CAMK2D: variants seen among roughly 807,000 people sequenced by gnomAD.
CAMK2D encodes the protein calcium/calmodulin dependent protein kinase II delta.
Under a neutral mutation model 84.0 loss-of-function variants are expected in CAMK2D, and 37 were observed. The ratio of observed to expected loss-of-function variants is 0.44; its 90% CI spans 0.34 to 0.58. CAMK2D has a LOEUF of 0.58. CAMK2D is among the 20% of genes least tolerant of loss of function. The pLI is 0.02. For synonymous variants in CAMK2D, 202 were observed against 212.5 expected (o/e 0.95, Z 0.43); for missense variants, 448 against 652.5 (o/e 0.69, Z 3.41).
intron 16 of CAMK2D, among the ~76,000 whole-genome samples, chr4:113,494,825 C>T (rs1043565997): frequency 7.9e-5 from 12 of 152,134 alleles, no homozygotes; most frequent in East Asian, 3.9e-4. Context: ...GAGCCAGGTG[C>T]GGGATATAAT....
rs139350343 is a variant in CAMK2D at position 113,521,514 on chromosome 4, G to C, written c.602-3857C>G. Among the ~76,000 whole-genome samples the C allele has an allele frequency of 7.9e-5, 12 of 152,264 alleles. No individual in the cohort carries two copies. The East Asian group carries it at 2.3e-3, about 29-fold the overall frequency. ...TCCTTTTAATGGTAAATAGTATCTA[G>C]AGACCAAGATTGAGCACTTACATGT... On this transcript the variant is annotated intron_variant, in intron 8 of 20. Coordinates refer to ENST00000511664, the MANE Select transcript of CAMK2D (RefSeq NM_001321571.2).
chr4:113,717,673 G>T (rs2099517816), intron 2 of CAMK2D, among the ~76,000 whole-genome samples: 1 of 152,064 alleles, frequency 6.6e-6, no homozygotes, highest in African/African-American at 2.4e-5. Context: ...GGTGGAGAGA[G>T]TTGAATTTTC....
rs1162687849 is a variant in CAMK2D at position 113,761,015 on chromosome 4, C to T, written c.54G>A (p.Glu18=). 1.2e-6 allele frequency: 2 copies of T among 1,614,170 alleles called. No homozygotes were observed. Among genetic ancestry groups the T allele is most frequent in the Non-Finnish European group, 1.7e-6 (2 of 1,180,026 alleles). The change falls in exon 1 of 21, where the codon GAG becomes GAA. Residue 18 remains glutamate, a synonymous_variant. Coordinates refer to ENST00000511664, the MANE Select transcript of CAMK2D (RefSeq NM_001321571.2). ...GCAAAGGTGCTTACTTTCCAAGCTC[C>T]TCGAAAAGCTGATACTCGTCCGTGA... ...TRFTDEYQLF[E]ELGKGAFSVV...
At chr4:113,477,850 A>C (rs886156551) in intron 16 of CAMK2D, among the ~76,000 whole-genome samples, 1 of 152,148 alleles carries the variant, frequency 6.6e-6, no homozygotes, top group Non-Finnish European at 1.5e-5. Flanking sequence ...TATGAGCCAT[A>C]TATTTCAGAA....
intron 8 of CAMK2D, among the ~76,000 whole-genome samples, chr4:113,522,457 C>CTG (rs57843687): frequency 0.035 from 5,267 of 152,254 alleles, 277 homozygotes; most frequent in African/African-American, 0.12. Flanking sequence ...AACTAACACT[C>CTG]TGACCTAAAT....
intron 2 of CAMK2D, among the ~76,000 whole-genome samples, chr4:113,671,281 C>T (rs1460634891): frequency 6.6e-6 from 1 of 152,088 alleles, no homozygotes; most frequent in Non-Finnish European, 1.5e-5. Context: ...TAAAAGAACA[C>T]AGATTTTTTA....
At position 113,502,977 on chromosome 4, in the gene CAMK2D, C is replaced by G. The variant is rs749331838; in HGVS notation, c.1045G>C (p.Glu349Gln). ...TTGTGGATTACAGTAGTTTGGGGCT[C>G]CTGAGTGAGAACAAAATAGAGAAAG... is the stretch of plus-strand genomic sequence containing the variant. ...PKENIPTPALEPQTTVIHNPD... is the reference protein window; with the variant it reads ...PKENIPTPALQPQTTVIHNPD... The change falls in exon 15 of 21, where the codon GAG becomes CAG. Residue 349 changes from glutamate (E) to glutamine (Q), a missense_variant and splice_region_variant. Glu to Gln is a conservative substitution (Grantham distance 29). Around this residue, in one of 7 missense-constraint regions of CAMK2D, gnomAD observed 219 missense variants for 272.1 expected, o/e 0.80. Coordinates refer to ENST00000511664, the MANE Select transcript of CAMK2D (RefSeq NM_001321571.2). 1 of 1,602,482 alleles carries G rather than the reference C, an allele frequency of 6.2e-7. No homozygotes were observed. Among genetic ancestry groups the G allele is most frequent in the Admixed American group, 1.7e-5 (1 of 59,958 alleles).
At chr4:113,699,151 A>G (rs1001277751) in intron 2 of CAMK2D, among the ~76,000 whole-genome samples, 1 of 152,158 alleles carries the variant, frequency 6.6e-6, no homozygotes, top group African/African-American at 2.4e-5. Flanking sequence ...TGAGGAGCCA[A>G]CCTGAACAGA....
At chr4:113,631,646 G>T (rs907677538) in intron 3 of CAMK2D, among the ~76,000 whole-genome samples, 1 of 152,176 alleles carries the variant, frequency 6.6e-6, no homozygotes, top group Admixed American at 6.6e-5. Flanking sequence ...TGTTAGCTGG[G>T]TAACTATTGT....
chr4:113,663,590 A>AAATAAT (rs10525797), intron 2 of CAMK2D, among the ~76,000 whole-genome samples: 5,784 of 145,942 alleles, frequency 0.04, 111 homozygotes, highest in Non-Finnish European at 0.051. Flanking sequence ...CTCTGTCTAA[A>AAATAAT]AATAATAATA....
chr4:113,618,932 T>C (rs2099033088), intron 3 of CAMK2D, among the ~76,000 whole-genome samples: 3 of 152,190 alleles, frequency 2.0e-5, no homozygotes, highest in South Asian at 2.1e-4. Context: ...GTCAATGATG[T>C]TTCTAAAGTA....
At chr4:113,513,241 A>G in intron 12 of CAMK2D, 87 bp downstream of exon 12, 1 of 1,577,890 alleles carries the variant, frequency 6.3e-7, no homozygotes, top group South Asian at 1.2e-5. Flanking sequence ...TCTAATTATT[A>G]GATTTTTAAA....
intron 4 of CAMK2D, among the ~76,000 whole-genome samples, chr4:113,582,426 T>C (rs1221396702): frequency 2.0e-5 from 3 of 152,250 alleles, no homozygotes; most frequent in Non-Finnish European, 4.4e-5. Context: ...GGTGTATAGT[T>C]CTGAGTTTCG....
intron 4 of CAMK2D, among the ~76,000 whole-genome samples, chr4:113,581,369 C>T (rs1055771619): frequency 1.3e-5 from 2 of 151,770 alleles, no homozygotes; most frequent in Admixed American, 6.6e-5. Context: ...CAAAATTAGC[C>T]AAGTGTGGTG....
At chr4:113,695,109 G>C (rs1029239915) in intron 2 of CAMK2D, among the ~76,000 whole-genome samples, 31 of 152,070 alleles carry the variant, frequency 2.0e-4, no homozygotes, top group African/African-American at 7.0e-4. Flanking sequence ...ATTACATCAC[G>C]AAGTGAGAAA....
At chr4:113,579,286 C>A (rs574680272) in intron 4 of CAMK2D, among the ~76,000 whole-genome samples, 1 of 152,322 alleles carries the variant, frequency 6.6e-6, no homozygotes, top group Non-Finnish European at 1.5e-5. Flanking sequence ...AATTACAACA[C>A]CAATTCTCAA....
chr4:113,724,058 C>T (rs2099538919), intron 2 of CAMK2D, among the ~76,000 whole-genome samples: 1 of 151,994 alleles, frequency 6.6e-6, no homozygotes, highest in Non-Finnish European at 1.5e-5. Flanking sequence ...ATTAACACTA[C>T]TCAATATGTT....
At position 113,711,489 on chromosome 4, in the gene CAMK2D, T is replaced by A. The variant is rs577413721; in HGVS notation, c.160+47831A>T. Among the ~76,000 whole-genome samples, 5 of 152,286 alleles carry A rather than the reference T, an allele frequency of 3.3e-5. No homozygotes were observed. In the East Asian group the frequency reaches 9.6e-4, roughly 29 times the overall value. On this transcript the variant is annotated intron_variant, in intron 2 of 20. Coordinates refer to ENST00000511664, the MANE Select transcript of CAMK2D (RefSeq NM_001321571.2). Reference sequence around the variant, plus strand: ...ATATTTTTACTAAGGAGATTGTGCCTATTTGAGCTAAAAGAGATATTTAAA... The same window carrying A: ...ATATTTTTACTAAGGAGATTGTGCCAATTTGAGCTAAAAGAGATATTTAAA...
intron 16 of CAMK2D, among the ~76,000 whole-genome samples, chr4:113,478,057 C>G (rs1314088371): frequency 6.6e-6 from 1 of 151,908 alleles, no homozygotes; most frequent in East Asian, 1.9e-4. Flanking sequence ...CTTAGGAAAT[C>G]TGCATTTATA....
Sources: allele counts gnomAD v4.1 joint callset (sites outside exome capture counted in the v4.1 genomes callset), GRCh38; gene constraint gnomAD v4.1.1; regional missense constraint gnomAD v4.1.1; transcripts MANE v1.5; gene names NCBI Gene and HGNC (gene_info 2026-07-23, HGNC 2026-07-21).